The following MLLT10 variants were observed in gnomAD, a reference collection of about 807,000 sequenced individuals.
MLLT10 encodes the protein protein AF-10.
A neutral mutation model predicts 129.1 loss-of-function variants in MLLT10; 30 were observed. The ratio of observed to expected loss-of-function variants is 0.23; its 90% CI spans 0.17 to 0.32. The LOEUF is 0.32. Ranked by LOEUF, MLLT10 falls within the 10% of genes least tolerant of loss-of-function variation. The pLI is 1.00. For missense variants in MLLT10, 1,119 were observed against 1,268.3 expected (o/e 0.88, Z 1.79); for synonymous variants, 490 against 446.4 (o/e 1.10, Z -1.23).
intron 3 of MLLT10, among the ~76,000 whole-genome samples, chr10:21,560,019 T>G (rs1349328303): frequency 6.6e-6 from 1 of 152,168 alleles, no homozygotes; most frequent in African/African-American, 2.4e-5. Flanking sequence ...GCTTTTTTTT[T>G]CCTGAGACGG....
Position 21,630,126 on chromosome 10 carries a change from T to C in MLLT10, c.699+12919T>C, listed in dbSNP as rs991107295. Among the ~76,000 whole-genome samples, 6 of 152,048 alleles carry C rather than the reference T, an allele frequency of 3.9e-5. 1 individual carries two copies. Among genetic ancestry groups the C allele is most frequent in the Admixed American group, 1.3e-4 (2 of 15,256 alleles). ...GTAGAGCAAAGAAACTAGATGTGGG[T>C]TGAACCCTATCAGAGATATTGCTAG... On this transcript the variant is annotated intron_variant, in intron 8 of 22. Transcript: ENST00000307729.
In MLLT10 at chr10:21,652,729, T is replaced by C. The variant is rs116827129; in HGVS notation, c.795+961T>C. Among the ~76,000 whole-genome samples, 867 of 152,260 alleles carry C rather than the reference T, an allele frequency of 5.7e-3. 6 individuals are homozygous for C. The highest frequency in any genetic ancestry group is 0.02 in the African/African-American group (811 of 41,532). ...GTTTCTGAATTGAGATGTAACGTGGTCTGACTTAGGTTTTGAAAGGACCTC... is the reference window on the plus strand; with the variant it reads ...GTTTCTGAATTGAGATGTAACGTGGCCTGACTTAGGTTTTGAAAGGACCTC... On this transcript the variant is annotated intron_variant, in intron 9 of 22. Transcript: ENST00000307729.
intron 3 of MLLT10, among the ~76,000 whole-genome samples, chr10:21,566,514 G>A (rs2039592519): frequency 6.6e-6 from 1 of 151,700 alleles, no homozygotes; most frequent in African/African-American, 2.4e-5. Context: ...TTTTAGTAGA[G>A]ATGGGGTTTC....
chr10:21,592,793 G>A (rs1024562929), intron 4 of MLLT10, among the ~76,000 whole-genome samples: 3 of 152,240 alleles, frequency 2.0e-5, no homozygotes, highest in African/African-American at 4.8e-5. Context: ...GTCTCTTGGT[G>A]TATGTCTTTA....
chr10:21,682,956 T>C (rs2052897176), intron 13 of MLLT10, among the ~76,000 whole-genome samples: 3 of 152,244 alleles, frequency 2.0e-5, no homozygotes, highest in African/African-American at 7.2e-5. Context: ...TTTCAGTTAT[T>C]AACAGATCTC....
intron 8 of MLLT10, among the ~76,000 whole-genome samples, chr10:21,638,888 A>G (rs1220246111): frequency 6.6e-6 from 1 of 152,214 alleles, no homozygotes; most frequent in East Asian, 1.9e-4. Flanking sequence ...AGCTGCCAGC[A>G]CAGCATCCTT....
Position 21,713,958 on chromosome 10 carries a change from G to A in MLLT10, c.1878+8G>A, listed in dbSNP as rs755529410. On this transcript the variant is annotated splice_region_variant and intron_variant, in intron 14 of 22. Coordinates refer to ENST00000307729, the MANE Select transcript of MLLT10 (RefSeq NM_001195626.3). ...GCTGTTGCTACAACTCAGGTAAGTT[G>A]TTACACTATCATGTGACAGGTAATA... 1.4e-5 allele frequency: 23 copies of A among 1,604,432 alleles called. No homozygotes were observed. Among genetic ancestry groups the A allele is most frequent in the Non-Finnish European group, 2.0e-5 (23 of 1,175,458 alleles).
chr10:21,597,626 C>T (rs2043142406), intron 5 of MLLT10, among the ~76,000 whole-genome samples: 2 of 152,330 alleles, frequency 1.3e-5, no homozygotes, highest in South Asian at 4.1e-4. Context: ...CCTCCCTCAG[C>T]CTCTGAAAGT....
chr10:21,538,596 T>C (rs1312986383), intron 2 of MLLT10, among the ~76,000 whole-genome samples: 1 of 152,156 alleles, frequency 6.6e-6, no homozygotes, highest in Non-Finnish European at 1.5e-5. Context: ...CATGAACCAT[T>C]GCACCCAGCC....
intron 14 of MLLT10, among the ~76,000 whole-genome samples, chr10:21,717,737 TTCCTCCTCCTCTTCCTCCTCC>T (rs2056797147): frequency 5.3e-5 from 1 of 19,036 alleles, no homozygotes; most frequent in African/African-American, 2.5e-4. Context: ...CCTCCTCCTC[TTCCTCCTCCTCTTCCTCCTCC>T]TCCTCCTCCG....
Position 21,618,419 on chromosome 10 carries a change from C to T in MLLT10, c.699+1212C>T, listed in dbSNP as rs561562470. Among the ~76,000 whole-genome samples the T allele has an allele frequency of 2.0e-5, 3 of 151,866 alleles. No homozygotes were observed. In the East Asian group the frequency reaches 5.9e-4, roughly 30 times the overall value. On this transcript the variant is annotated intron_variant, in intron 8 of 22. Coordinates refer to ENST00000307729, the MANE Select transcript of MLLT10 (RefSeq NM_001195626.3). ...TCAGGAGGTTAAGGCAGGAGAATCA[C>T]GCTTGAACCCAGGAGGCAGAGATTG...
chr10:21,689,661 ATT>A (rs58409865), intron 13 of MLLT10, among the ~76,000 whole-genome samples: 15 of 132,356 alleles, frequency 1.1e-4, no homozygotes, highest in African/African-American at 3.5e-4. Flanking sequence ...ATATATATAT[ATT>A]TTTTTTTTCT....
chr10:21,624,519 A>AT (rs1363710786), intron 8 of MLLT10: 55 of 947,414 alleles, frequency 5.8e-5, no homozygotes, highest in South Asian at 7.1e-5. Flanking sequence ...GTTAAACAAA[A>AT]TTTTTTTTGA....
At chr10:21,718,943 C>G (rs573469357) in intron 14 of MLLT10, among the ~76,000 whole-genome samples, 1 of 152,120 alleles carries the variant, frequency 6.6e-6, no homozygotes, top group Non-Finnish European at 1.5e-5. Context: ...AGGCTGGTCT[C>G]GAACTCCTGA....
intron 14 of MLLT10, among the ~76,000 whole-genome samples, chr10:21,721,522 A>G (rs542709395): frequency 1.3e-5 from 2 of 152,212 alleles, no homozygotes; most frequent in East Asian, 3.9e-4. Context: ...TACTTTATAA[A>G]CAAGCTCTTT....
intron 5 of MLLT10, among the ~76,000 whole-genome samples, chr10:21,608,279 C>T (rs929225499): frequency 2.6e-5 from 4 of 151,872 alleles, no homozygotes; most frequent in African/African-American, 4.8e-5. Flanking sequence ...AAGCCATCCT[C>T]TCACCTCAGC....
intron 14 of MLLT10, among the ~76,000 whole-genome samples, chr10:21,724,792 G>A (rs749772452): frequency 6.6e-6 from 1 of 152,292 alleles, no homozygotes; most frequent in South Asian, 2.1e-4. Flanking sequence ...TATTACAGTG[G>A]ATTACGCAAT....
At chr10:21,676,396 C>CGACA (rs1564629569) in intron 11 of MLLT10, among the ~76,000 whole-genome samples, 1 of 137,304 alleles carries the variant, frequency 7.3e-6, no homozygotes, top group African/African-American at 2.7e-5. Context: ...CCAGCCTGGG[C>CGACA]GACAGAGCGA....
intron 9 of MLLT10, among the ~76,000 whole-genome samples, chr10:21,656,432 G>C (rs1485341635): frequency 6.6e-6 from 1 of 152,106 alleles, no homozygotes; most frequent in Admixed American, 6.5e-5. Flanking sequence ...TGAAAGTCAA[G>C]GGAACTTTAA....
Sources: allele counts gnomAD v4.1 joint callset (sites outside exome capture counted in the v4.1 genomes callset), GRCh38; gene constraint gnomAD v4.1.1; transcripts MANE v1.5; gene names NCBI Gene and HGNC (gene_info 2026-07-23, HGNC 2026-07-21).